TFB1M: variants seen among roughly 807,000 people sequenced by gnomAD.
The protein encoded by TFB1M is transcription factor B1, mitochondrial.
A neutral mutation model predicts 31.1 loss-of-function variants in TFB1M; 27 were observed. That is an observed-to-expected ratio of 0.87 (90% CI 0.64 to 1.20). The LOEUF (loss-of-function observed/expected upper bound fraction) is 1.20. Among genes scored for constraint, TFB1M ranks in the 50% most tolerant of loss-of-function variants. The pLI, the probability that TFB1M is intolerant of heterozygous loss-of-function variation, is 0.00. For synonymous variants in TFB1M, 166 were observed against 151.8 expected (o/e 1.09, Z -0.69); for missense variants, 394 against 418.7 (o/e 0.94, Z 0.51).
chr6:155,276,601 T>A (rs1479915504), intron 5 of TFB1M: 2 of 453,120 alleles, frequency 4.4e-6, no homozygotes, highest in Non-Finnish European at 7.7e-6. Context: ...ATGTTTTACT[T>A]AAAGATTTAT....
intron 2 of TFB1M, among the ~76,000 whole-genome samples, chr6:155,298,825 T>C (rs1407438691): frequency 3.9e-5 from 6 of 152,200 alleles, no homozygotes; most frequent in Admixed American, 3.3e-4. Flanking sequence ...ATTTTACAAA[T>C]ATATTAGTGT....
downstream of TFB1M, chr6:155,255,617 T>TACAA: frequency 6.6e-6 from 1 of 150,596 alleles, no homozygotes; most frequent in East Asian, 2.0e-4. Context: ...AGAACAGAAC[T>TACAA]ACACACACAC....
At chr6:155,290,168 C>T (rs952871152) in intron 4 of TFB1M, among the ~76,000 whole-genome samples, 4 of 152,002 alleles carry the variant, frequency 2.6e-5, no homozygotes, top group Non-Finnish European at 5.9e-5. Context: ...GTGTGGATCA[C>T]GAGGTCAGGA....
Position 155,257,902 on chromosome 6 carries a change from T to G in TFB1M, c.975A>C (p.Glu325Asp). The G allele has an allele frequency of 1.2e-6, 2 of 1,614,194 alleles. No individual in the cohort carries two copies. Residue 325 changes from glutamate to aspartate, a missense_variant, in exon 7 of 7, where the codon GAA becomes GAC. By Grantham distance (45) the Glu-to-Asp change is conservative (BLOSUM62 2). Coordinates refer to ENST00000367166, the MANE Select transcript of TFB1M (RefSeq NM_016020.4). ...CATTTTTGCTTTTTCTTCGCTTGAG[T>G]TCTTCTCTGAAATTATATGCAAAGA... The part of the protein sequence containing the change: ...PQLFAYNFRE[E>D]LKRRKSKNEE...
rs144239218 is a variant in TFB1M, at chr6:155,309,188, G to A, written c.285+2000C>T. 6.3e-3 allele frequency among the ~76,000 whole-genome samples: 967 copies of A among 152,294 alleles called. 5 individuals are homozygous for A. Among genetic ancestry groups the A allele is most frequent in the Non-Finnish European group, 0.01 (682 of 68,030 alleles). On this transcript the variant is annotated intron_variant, in intron 2 of 6. Transcript: ENST00000367166. ...ATTTAATGATACATTTAATTAATATGAGAGATACATATACATTTGTGTATA... is the reference window on the plus strand; with the variant it reads ...ATTTAATGATACATTTAATTAATATAAGAGATACATATACATTTGTGTATA...
chr6:155,249,865 AT>A, the TFB1M span: 1 of 1,613,306 alleles, frequency 6.2e-7, no homozygotes. Flanking sequence ...ACTAAAGGCA[AT>A]GGAGAAAGTA....
At chr6:155,298,117 A>G (rs1777260052) in intron 3 of TFB1M, among the ~76,000 whole-genome samples, 1 of 152,232 alleles carries the variant, frequency 6.6e-6, no homozygotes, top group African/African-American at 2.4e-5. Flanking sequence ...AAAAGTTAAA[A>G]CAATGGCTTG....
rs778482058 is a variant in TFB1M, at chr6:155,276,245, A to C, written c.666+8913T>G. 5.0e-6 allele frequency: 8 copies of C among 1,614,004 alleles called. No homozygotes were observed. In the East Asian group the frequency reaches 1.8e-4, roughly 36 times the overall value. ...ATTCATTTCTGCAATGCTGTTGTTTATCTCTGGCATGATTTTCTGCACCTC... is the reference window on the plus strand; with the variant it reads ...ATTCATTTCTGCAATGCTGTTGTTTCTCTCTGGCATGATTTTCTGCACCTC... On this transcript the variant is annotated intron_variant, in intron 5 of 6. Coordinates refer to ENST00000367166, the MANE Select transcript of TFB1M (RefSeq NM_016020.4).
the TFB1M span, among the ~76,000 whole-genome samples, chr6:155,242,626 T>G: frequency 2.5e-3 from 387 of 152,370 alleles, 11 homozygotes; most frequent in South Asian, 0.039. Flanking sequence ...GGAGTTATTA[T>G]AGCTGACTTT....
At chr6:155,268,657 C>T (rs747274445) in intron 5 of TFB1M, among the ~76,000 whole-genome samples, 4 of 152,024 alleles carry the variant, frequency 2.6e-5, no homozygotes, top group African/African-American at 9.7e-5. Flanking sequence ...ACCCCCAACC[C>T]GGTGCTCTCT....
downstream of TFB1M, chr6:155,254,621 T>G (rs774109055): frequency 1.6e-5 from 25 of 1,595,914 alleles, no homozygotes; most frequent in Non-Finnish European, 2.1e-5. Context: ...TATTATGAGC[T>G]TCTGAAAAGG....
chr6:155,305,590 T>C (rs1777692332), intron 2 of TFB1M, among the ~76,000 whole-genome samples: 1 of 35,230 alleles, frequency 2.8e-5, no homozygotes, highest in Non-Finnish European at 4.4e-5. Flanking sequence ...TTAAATTATA[T>C]ATTTATATAT....
At chr6:155,258,184 T>C in intron 6 of TFB1M, 102 bp from the exon 7 acceptor site, 2 of 1,391,944 alleles carry the variant, frequency 1.4e-6, no homozygotes, top group Non-Finnish European at 2.0e-6. Flanking sequence ...ACACAGTTGC[T>C]GGCTACTGAC....
chr6:155,239,964 A>T, the TFB1M span, among the ~76,000 whole-genome samples: 1,881 of 152,212 alleles, frequency 0.012, 15 homozygotes, highest in Non-Finnish European at 0.02. Context: ...AGAGTTTCTC[A>T]CTCATAATTC....
At chr6:155,277,733 T>A (rs1465449623) in intron 5 of TFB1M, among the ~76,000 whole-genome samples, 1 of 152,194 alleles carries the variant, frequency 6.6e-6, no homozygotes, top group African/African-American at 2.4e-5. Context: ...TAAATGATTG[T>A]TTAAAGTATG....
At chr6:155,276,328 TAACA>T in intron 5 of TFB1M, 1 of 1,613,728 alleles carries the variant, frequency 6.2e-7, no homozygotes, top group East Asian at 2.2e-5. Flanking sequence ...AGCCTATCTC[TAACA>T]CACAGCTCGA....
intron 2 of TFB1M, among the ~76,000 whole-genome samples, chr6:155,306,731 G>A (rs1020699399): frequency 1.3e-5 from 2 of 152,142 alleles, no homozygotes; most frequent in African/African-American, 4.8e-5. Flanking sequence ...AAGGGGGAAG[G>A]AAGGGACAGA....
intron 5 of TFB1M, among the ~76,000 whole-genome samples, chr6:155,272,732 A>T (rs1344830952): frequency 6.6e-6 from 1 of 152,164 alleles, no homozygotes; most frequent in Non-Finnish European, 1.5e-5. Flanking sequence ...AAAAAAAAGC[A>T]TTTGAATCCA....
At chr6:155,241,319 A>G in the TFB1M span, among the ~76,000 whole-genome samples, 23 of 152,334 alleles carry the variant, frequency 1.5e-4, no homozygotes, top group Non-Finnish European at 2.8e-4. Context: ...CCTGGGGAGC[A>G]GAGTTCTTTT....
Sources: allele counts gnomAD v4.1 joint callset (sites outside exome capture counted in the v4.1 genomes callset), GRCh38; gene constraint gnomAD v4.1.1; transcripts MANE v1.5; gene names NCBI Gene and HGNC (gene_info 2026-07-23, HGNC 2026-07-21).